NCAPH: variants seen among roughly 807,000 people sequenced by gnomAD.
NCAPH encodes the protein condensin complex subunit 2.
In NCAPH, 38 loss-of-function variants were observed where a neutral mutation model predicts 85.5. The observed-to-expected ratio is 0.44, with a 90% CI of 0.34 to 0.58. NCAPH has a LOEUF of 0.58. Among genes scored for constraint, NCAPH ranks in the 20% least tolerant of loss-of-function variants. NCAPH has a pLI of 0.01. For synonymous variants in NCAPH, 301 were observed against 335.1 expected (o/e 0.90, Z 1.11); for missense variants, 789 against 916.6 (o/e 0.86, Z 1.80).
Position 96,367,238 on chromosome 2 carries a change from T to C in NCAPH, c.1882-19T>C. The C allele has an allele frequency of 6.5e-7, 1 of 1,538,914 alleles. No individual in the cohort carries two copies. Among genetic ancestry groups the C allele is most frequent in the Non-Finnish European group, 9.0e-7 (1 of 1,114,492 alleles). On this transcript the variant is annotated intron_variant, in intron 14 of 17. Transcript: ENST00000240423. ...TTCTTTATTCTGCTTAGTTTTACTT[T>C]GTCATATACCTATTTCAGGTAAATA...
At chr2:96,350,907 CT>C (rs1300401484) in intron 6 of NCAPH, among the ~76,000 whole-genome samples, 1 of 152,218 alleles carries the variant, frequency 6.6e-6, no homozygotes, top group South Asian at 2.1e-4. Context: ...GGCTTCTAGC[CT>C]CTTGCTGCAC....
intron 1 of NCAPH, 74 bp downstream of exon 1, chr2:96,335,922 G>T: frequency 7.3e-7 from 1 of 1,372,670 alleles, no homozygotes; most frequent in South Asian, 1.6e-5. Flanking sequence ...CAGGGCTGGC[G>T]GGCTGGCCTG....
rs1348876276 is a variant in NCAPH, at chr2:96,375,722, G to A, written c.*2371G>A. Reference sequence around the variant, plus strand: ...AATACTTTGGGAAGTAGGTGTTCTAGGACTGGTGTGACAGTTCCATGAAAT... The same window carrying A: ...AATACTTTGGGAAGTAGGTGTTCTAAGACTGGTGTGACAGTTCCATGAAAT... On this transcript the variant is annotated 3_prime_UTR_variant, in exon 18 of 18. Transcript: ENST00000240423. Among the ~76,000 whole-genome samples, 3 of 152,302 alleles carry A rather than the reference G, an allele frequency of 2.0e-5. No homozygotes were observed. Among genetic ancestry groups the A allele is most frequent in the Admixed American group, 2.0e-4 (3 of 15,288 alleles).
chr2:96,348,315 G>A (rs2064388967), intron 6 of NCAPH, among the ~76,000 whole-genome samples: 1 of 150,758 alleles, frequency 6.6e-6, no homozygotes, highest in Non-Finnish European at 1.5e-5. Flanking sequence ...TCAGCCTCCA[G>A]AGTAGCTGGG....
Position 96,354,338 on chromosome 2 carries a change from T to C in NCAPH, c.1158T>C (p.Asp386=). 1.2e-6 allele frequency: 2 copies of C among 1,613,350 alleles called. No homozygotes were observed. Among genetic ancestry groups the C allele is most frequent in the Non-Finnish European group, 1.7e-6 (2 of 1,179,642 alleles). ...NDEPDHTAVG[D]HEEFRSWKEP... is the part of the protein sequence containing the mutation. ...AACCTGACCACACCGCAGTTGGGGA[T>C]CATGAAGAGTTCAGGAGCTGGAAGG... The change falls in exon 9 of 18, where the codon GAT becomes GAC. Residue 386 remains aspartate, a synonymous_variant. Coordinates refer to ENST00000240423, the MANE Select transcript of NCAPH (RefSeq NM_015341.5).
intron 9 of NCAPH, among the ~76,000 whole-genome samples, chr2:96,355,099 G>A (rs1337119022): frequency 6.6e-6 from 1 of 152,122 alleles, no homozygotes; most frequent in East Asian, 1.9e-4. Context: ...AGGAGAAGAA[G>A]AAGAATTGGT....
At chr2:96,352,614 G>A (rs770284106) in intron 7 of NCAPH, among the ~76,000 whole-genome samples, 23 of 152,154 alleles carry the variant, frequency 1.5e-4, no homozygotes, top group Admixed American at 1.4e-3. Flanking sequence ...GGCCAGGTGC[G>A]TGCAGTGCAG....
At chr2:96,337,670 A>G (rs1213146007) in intron 1 of NCAPH, among the ~76,000 whole-genome samples, 1 of 151,980 alleles carries the variant, frequency 6.6e-6, no homozygotes, top group Non-Finnish European at 1.5e-5. Flanking sequence ...TGCCCGCCTC[A>G]GCCTCCCAAA....
rs114273496 is a variant in NCAPH at position 96,373,050 on chromosome 2, G to T, written c.2167-242G>T. 3.1e-4 allele frequency among the ~76,000 whole-genome samples: 47 copies of T among 152,108 alleles called. 1 individual carries two copies. Among genetic ancestry groups the T allele is most frequent in the African/African-American group, 9.6e-4 (40 of 41,494 alleles). On this transcript the variant is annotated intron_variant, in intron 17 of 17. Transcript: ENST00000240423. ...AGCTCTTAGGCCCTTTATAGGGGGT[G>T]GGTTGCAGGAATCAGAGCCAGAGAA...
intron 6 of NCAPH, among the ~76,000 whole-genome samples, chr2:96,346,075 AGCAGAAAGGAGAATT>A (rs2064357393): frequency 6.6e-6 from 1 of 152,216 alleles, no homozygotes; most frequent in Non-Finnish European, 1.5e-5. Context: ...TTGATGATGC[AGCAGAAAGGAGAATT>A]GCCAGGCTGA....
intron 1 of NCAPH, among the ~76,000 whole-genome samples, chr2:96,340,864 A>AGTGTTT (rs974948179): frequency 6.7e-6 from 1 of 149,612 alleles, no homozygotes; most frequent in Admixed American, 6.7e-5. Context: ...TGCATTCTAG[A>AGTGTTT]GTGTTTCCTT....
intron 1 of NCAPH, among the ~76,000 whole-genome samples, chr2:96,336,976 A>C (rs1355005926): frequency 6.6e-6 from 1 of 152,232 alleles, no homozygotes; most frequent in East Asian, 1.9e-4. Flanking sequence ...GAAAGGCCAG[A>C]AAATGACCAT....
At chr2:96,347,534 G>A (rs2064378015) in intron 6 of NCAPH, among the ~76,000 whole-genome samples, 1 of 152,148 alleles carries the variant, frequency 6.6e-6, no homozygotes, top group South Asian at 2.1e-4. Flanking sequence ...ATAATCCTCA[G>A]GAACTAAGTG....
At chr2:96,371,503 C>T (rs1166733774) in intron 17 of NCAPH, among the ~76,000 whole-genome samples, 3 of 152,146 alleles carry the variant, frequency 2.0e-5, no homozygotes, top group Non-Finnish European at 2.9e-5. Flanking sequence ...AGTGACTCTG[C>T]GGCTTCACTG....
At chr2:96,351,334 A>C (rs2064438524) in intron 6 of NCAPH, among the ~76,000 whole-genome samples, 1 of 152,166 alleles carries the variant, frequency 6.6e-6, no homozygotes, top group South Asian at 2.1e-4. Flanking sequence ...CCTGACTATA[A>C]CCAGCCTTTC....
intron 12 of NCAPH, among the ~76,000 whole-genome samples, chr2:96,361,796 ATATATATG>A (rs2064620940): frequency 1.8e-5 from 2 of 113,636 alleles, no homozygotes; most frequent in Admixed American, 1.0e-4. Flanking sequence ...ATATATATGT[ATATATATG>A]TGTATATATA....
chr2:96,348,998 C>T (rs1052379085), intron 6 of NCAPH, among the ~76,000 whole-genome samples: 3 of 152,092 alleles, frequency 2.0e-5, no homozygotes, highest in South Asian at 2.1e-4. Flanking sequence ...TCAAATCAAT[C>T]GGATTATTAA....
intron 9 of NCAPH, 126 bp from the exon 10 acceptor site, chr2:96,358,919 A>G: frequency 1.1e-6 from 1 of 873,818 alleles, no homozygotes; most frequent in Non-Finnish European, 1.7e-6. Flanking sequence ...AGTAAAAGGA[A>G]TTATTAATAA....
At position 96,351,932 on chromosome 2, in the gene NCAPH, G is replaced by C. The variant is rs765318615; in HGVS notation, c.822G>C (p.Leu274=). The C allele has an allele frequency of 1.9e-6, 3 of 1,614,032 alleles. No homozygotes were observed. The highest frequency in any genetic ancestry group is 2.5e-6 in the Non-Finnish European group (3 of 1,179,872). ...TLHCQDYRSE[L]LFPSDVQTLS... is the part of the protein sequence containing the mutation. ...ACTGCCAGGACTACAGAAGTGAACT[G>C]CTGTTTCCCTCTGATGTCCAGACTC... Residue 274 remains leucine, a synonymous_variant, in exon 7 of 18, where the codon CTG becomes CTC. Coordinates refer to ENST00000240423, the MANE Select transcript of NCAPH (RefSeq NM_015341.5).
Sources: gnomAD v4.1 joint callset for allele counts (sites outside exome capture counted in the v4.1 genomes callset) on GRCh38, gnomAD v4.1.1 for gene constraint, MANE v1.5 for transcripts, NCBI Gene and HGNC (gene_info 2026-07-23, HGNC 2026-07-21) for gene names.